The following BNC2 variants were observed in gnomAD, a reference collection of about 807,000 sequenced individuals.
BNC2 encodes basonuclin zinc finger protein 2, also known as zinc finger protein basonuclin-2.
BNC2 carries 20 observed loss-of-function variants against 76.3 expected under a neutral mutation model. The ratio of observed to expected loss-of-function variants is 0.26; its 90% CI spans 0.18 to 0.38. BNC2 has a LOEUF of 0.38. Among genes scored for constraint, BNC2 ranks in the 10% least tolerant of loss-of-function variants. The pLI is 1.00. For synonymous variants in BNC2, 582 were observed against 514.8 expected, an observed-to-expected ratio of 1.13 and a Z score of -1.77; for missense variants, 1,382 against 1,399.8, an observed-to-expected ratio of 0.99 and a Z score of 0.20.
chr9:16,619,034 T>G (rs1331215406), intron 3 of BNC2, among the ~76,000 whole-genome samples: 1 of 152,172 alleles, frequency 6.6e-6, no homozygotes, highest in African/African-American at 2.4e-5. Context: ...ACACCTAAGG[T>G]ATGCTGGGTG....
intron 3 of BNC2, among the ~76,000 whole-genome samples, chr9:16,625,508 G>C (rs1459128571): frequency 1.3e-5 from 2 of 152,146 alleles, no homozygotes; most frequent in African/African-American, 2.4e-5. Context: ...AAAAGAGAAC[G>C]GGGGAAATAA....
intron 3 of BNC2, among the ~76,000 whole-genome samples, chr9:16,600,723 C>A (rs1235737087): frequency 6.6e-6 from 1 of 151,982 alleles, no homozygotes; most frequent in Non-Finnish European, 1.5e-5. Context: ...GGTAATGATG[C>A]GGGGGTGCGG....
chr9:16,748,839 T>G (rs1470332426), intron 1 of BNC2, among the ~76,000 whole-genome samples: 2 of 20,140 alleles, frequency 9.9e-5, no homozygotes, highest in Non-Finnish European at 1.8e-4. Context: ...CGAAACCGTC[T>G]CAAAAAAAAA....
At position 16,409,570 on chromosome 9, in the gene BNC2, T is replaced by G. The variant is rs1820418146; in HGVS notation, c.*9419A>C. The G allele has an allele frequency of 6.6e-6, 1 of 152,650 alleles. No homozygotes were observed. The highest frequency in any genetic ancestry group is 2.4e-5 in the African/African-American group (1 of 41,460). 9.5% of individuals were successfully genotyped at this position (152,650 alleles called of 1,614,324 possible). On this transcript the variant is annotated 3_prime_UTR_variant, in exon 7 of 7. Coordinates refer to ENST00000380672, the MANE Select transcript of BNC2 (RefSeq NM_017637.6). ...TTTGATACAAATTACAAGAGGTATTTGGACAAAATATGAATAAAATTCCAT... is the reference window on the plus strand; with the variant it reads ...TTTGATACAAATTACAAGAGGTATTGGGACAAAATATGAATAAAATTCCAT...
chr9:16,641,851 C>T (rs978275146), intron 3 of BNC2, among the ~76,000 whole-genome samples: 4 of 152,134 alleles, frequency 2.6e-5, no homozygotes, highest in African/African-American at 7.2e-5. Flanking sequence ...TGAGAATTCC[C>T]TTTTTTTGGA....
intron 1 of BNC2, among the ~76,000 whole-genome samples, chr9:16,793,202 G>A (rs1333145936): frequency 2.0e-5 from 3 of 152,070 alleles, no homozygotes; most frequent in Non-Finnish European, 4.4e-5. Context: ...ACAATACAAT[G>A]TTTTTTTAGA....
chr9:16,713,677 G>T (rs4626704), intron 3 of BNC2, among the ~76,000 whole-genome samples: 132,669 of 151,888 alleles, frequency 0.87, 58,309 homozygotes, highest in Non-Finnish European at 0.93. Flanking sequence ...ATTTAGAATG[G>T]AAGGCTTTCC....
chr9:16,622,703 C>G (rs76587118), intron 3 of BNC2, among the ~76,000 whole-genome samples: 2,519 of 152,226 alleles, frequency 0.017, 68 homozygotes, highest in South Asian at 0.13. Flanking sequence ...CAAAACACCT[C>G]TTCACATGGT....
rs559834933 is a variant in BNC2 at position 16,575,283 on chromosome 9, A to G, written c.433+7700T>C. The G allele has an allele frequency of 4.1e-4, 406 of 985,406 alleles. No homozygotes were observed. The African/African-American group carries it at 6.7e-3, about 16-fold the overall frequency. The allele number at this position is 985,406 out of a possible 1,614,324, so 61.0% of individuals were successfully genotyped here. A position where few individuals can be genotyped will look rare whatever the true frequency, so the allele number is the denominator to read the frequency against. ...CTCCCATTCATTCACCCGAAGCGGG[A>G]TACAGCTCTGTGTGTTTCATTCTCA... On this transcript the variant is annotated intron_variant, in intron 4 of 6. Coordinates refer to ENST00000380672, the MANE Select transcript of BNC2 (RefSeq NM_017637.6).
chr9:16,473,669 T>C (rs1821870530), intron 5 of BNC2, among the ~76,000 whole-genome samples: 1 of 152,026 alleles, frequency 6.6e-6, no homozygotes, highest in South Asian at 2.1e-4. Context: ...GGTTAGGAGT[T>C]CGAGACCAGC....
chr9:16,595,356 T>C (rs549204255), intron 3 of BNC2, among the ~76,000 whole-genome samples: 18 of 152,108 alleles, frequency 1.2e-4, no homozygotes, highest in Admixed American at 1.0e-3. Context: ...ATAATAATAG[T>C]GATATGATGA....
chr9:16,811,474 C>A (rs1405878917), intron 1 of BNC2, among the ~76,000 whole-genome samples: 13 of 144,678 alleles, frequency 9.0e-5, no homozygotes. Context: ...ATCACTTGAA[C>A]CAGGGAGACG....
intron 5 of BNC2, among the ~76,000 whole-genome samples, chr9:16,464,682 T>C (rs7861939): frequency 0.029 from 4,428 of 152,248 alleles, 131 homozygotes; most frequent in African/African-American, 0.079. Context: ...TCAGCCTCCA[T>C]AGTAGCTGTG....
At position 16,675,729 on chromosome 9, in the gene BNC2, T is replaced by C. The variant is rs544640591; in HGVS notation, c.330+52068A>G. 7.9e-5 allele frequency among the ~76,000 whole-genome samples: 12 copies of C among 152,282 alleles called. No homozygotes were observed. In the South Asian group the frequency reaches 2.3e-3, roughly 29 times the overall value. On this transcript the variant is annotated intron_variant, in intron 3 of 6. Transcript: ENST00000380672. ...GTTAAGTCTTAAAAGTTCTCTACCT[T>C]AGTTTCCAAATCTGTAAAGATATTA...
At chr9:16,837,911 A>T (rs761512351) in intron 1 of BNC2, among the ~76,000 whole-genome samples, 99 of 152,112 alleles carry the variant, frequency 6.5e-4, no homozygotes, top group Admixed American at 1.0e-3. Context: ...TTGGGCAACA[A>T]GAGTGAAACT....
At chr9:16,535,523 C>T (rs1818103965) in intron 5 of BNC2, among the ~76,000 whole-genome samples, 1 of 152,096 alleles carries the variant, frequency 6.6e-6, no homozygotes, top group Non-Finnish European at 1.5e-5. Context: ...GTAGTTGTAT[C>T]TAACCCTGCT....
At chr9:16,820,727 T>TAC (rs1800622060) in intron 1 of BNC2, among the ~76,000 whole-genome samples, 1 of 152,070 alleles carries the variant, frequency 6.6e-6, no homozygotes, top group African/African-American at 2.4e-5. Context: ...GAGATCATGT[T>TAC]ATATAAACAA....
At chr9:16,796,986 C>G (rs1817672795) in intron 1 of BNC2, among the ~76,000 whole-genome samples, 1 of 152,120 alleles carries the variant, frequency 6.6e-6, no homozygotes, top group Non-Finnish European at 1.5e-5. Context: ...CAAGAGGTAG[C>G]TTTTGTTAAG....
intron 3 of BNC2, among the ~76,000 whole-genome samples, chr9:16,687,573 G>A (rs750967538): frequency 2.6e-4 from 40 of 152,184 alleles, no homozygotes; most frequent in Middle Eastern, 6.8e-3. Flanking sequence ...AAATTAACCT[G>A]AGAATATTCC....
Sources: allele counts gnomAD v4.1 joint callset (sites outside exome capture counted in the v4.1 genomes callset), GRCh38; gene constraint gnomAD v4.1.1; transcripts MANE v1.5; gene names NCBI Gene and HGNC (gene_info 2026-07-23, HGNC 2026-07-21).